CYSLTR1: variants seen among roughly 807,000 people sequenced by gnomAD.
CYSLTR1 encodes G-protein coupled receptor HG55.
In CYSLTR1, 1 loss-of-function variant was observed where a neutral mutation model predicts 2.1. That is an observed-to-expected ratio of 0.48 (90% CI 0.17 to 2.28). CYSLTR1 has a LOEUF of 2.28. Among genes scored for constraint, CYSLTR1 ranks in the 30% most tolerant of loss-of-function variants. The probability of loss-of-function intolerance (pLI) is 0.26; values close to 1 mark genes in which losing one functional copy is unlikely to be tolerated. For synonymous variants in CYSLTR1, 110 were observed against 89.6 expected, an observed-to-expected ratio of 1.23 and a Z score of -1.28; for missense variants, 299 against 250.1, an observed-to-expected ratio of 1.20 and a Z score of -1.32.
intron 1 of CYSLTR1, among the ~76,000 whole-genome samples, chrX:78,317,916 T>A (rs1328217479): frequency 9.0e-6 from 1 of 111,317 alleles, no homozygotes; most frequent in Non-Finnish European, 1.9e-5. Context: ...ATGTCAGAAA[T>A]CATCACCAAA....
chrX:78,307,652 A>G (rs998211563), intron 1 of CYSLTR1, among the ~76,000 whole-genome samples: 6 of 111,503 alleles, frequency 5.4e-5, no homozygotes, highest in Admixed American at 1.9e-4. Flanking sequence ...CTTGTACATC[A>G]GGGGACAAGA....
intron 1 of CYSLTR1, among the ~76,000 whole-genome samples, chrX:78,307,483 G>A (rs1305020805): frequency 1.8e-5 from 2 of 111,752 alleles, no homozygotes; most frequent in African/African-American, 6.5e-5. Flanking sequence ...TTTCTCTGAT[G>A]TCTAGACCTC....
At chrX:78,288,640 C>G (rs1412366901) in intron 1 of CYSLTR1, among the ~76,000 whole-genome samples, 2 of 111,704 alleles carry the variant, frequency 1.8e-5, no homozygotes, top group African/African-American at 6.5e-5. Flanking sequence ...TACAGGCATG[C>G]AATGCATAAT....
chrX:78,273,536 G>T lies in CYSLTR1; in HGVS notation c.211C>A (p.Leu71Ile). 1 of 1,211,639 alleles carries T rather than the reference G, an allele frequency of 8.3e-7. No individual in the cohort carries two copies. Among genetic ancestry groups the T allele is most frequent in the Non-Finnish European group, 1.1e-6 (1 of 895,447 alleles). ...CGGAGAGGCAGTGTGCACACACAAA[G>T]TAGATCTGCTACTGCTAAATTAATC... ...YMINLAVADLLCVCTLPLRVV... is the reference protein window; with the variant it reads ...YMINLAVADLICVCTLPLRVV... The change falls in exon 3 of 3, where the codon CTT becomes ATT. Residue 71 changes from leucine to isoleucine, a missense_variant. Transcript: ENST00000373304.
intron 1 of CYSLTR1, among the ~76,000 whole-genome samples, chrX:78,313,474 AC>A (rs1923290624): frequency 8.9e-6 from 1 of 111,973 alleles, no homozygotes; most frequent in African/African-American, 3.2e-5. Flanking sequence ...AAAAGTTGAA[AC>A]CAGAAAAAAT....
intron 1 of CYSLTR1, among the ~76,000 whole-genome samples, chrX:78,298,326 GAGGAAA>G (rs1922664513): frequency 9.0e-6 from 1 of 111,668 alleles, no homozygotes; most frequent in Non-Finnish European, 1.9e-5. Flanking sequence ...TCTAAGTACT[GAGGAAA>G]AGAATGTGTA....
intron 1 of CYSLTR1, among the ~76,000 whole-genome samples, chrX:78,315,807 G>T (rs753712335): frequency 1.8e-5 from 2 of 112,222 alleles, no homozygotes; most frequent in African/African-American, 6.5e-5. Context: ...CGGCACCACA[G>T]GACCCACCCA....
chrX:78,276,638 G>T (rs1569552152), intron 2 of CYSLTR1, among the ~76,000 whole-genome samples: 1 of 110,535 alleles, frequency 9.0e-6, no homozygotes, highest in African/African-American at 3.3e-5. Flanking sequence ...CATTAAAAAA[G>T]TCATTATTAT....
At chrX:78,281,563 A>G (rs1921845668) in intron 2 of CYSLTR1, among the ~76,000 whole-genome samples, 1 of 111,381 alleles carries the variant, frequency 9.0e-6, no homozygotes, top group Non-Finnish European at 1.9e-5. Context: ...GTGAGCCACC[A>G]TGCCTGGCCT....
chrX:78,314,347 G>A (rs1269353124), intron 1 of CYSLTR1, among the ~76,000 whole-genome samples: 4 of 111,447 alleles, frequency 3.6e-5, no homozygotes, highest in Non-Finnish European at 5.7e-5. Flanking sequence ...AATAGTAATT[G>A]TATCAGAGGA....
At chrX:78,326,308 T>C (rs1040493688) in intron 1 of CYSLTR1, among the ~76,000 whole-genome samples, 6 of 112,616 alleles carry the variant, frequency 5.3e-5, no homozygotes, top group Non-Finnish European at 9.4e-5. Flanking sequence ...GTATTTTAAA[T>C]GTAATACAGT....
At chrX:78,297,003 T>G (rs752395821) in intron 1 of CYSLTR1, among the ~76,000 whole-genome samples, 1 of 111,941 alleles carries the variant, frequency 8.9e-6, no homozygotes, top group East Asian at 2.8e-4. Context: ...TTTTTCCTCA[T>G]TCAGTAAAAT....
At chrX:78,297,056 G>T (rs762573717) in intron 1 of CYSLTR1, among the ~76,000 whole-genome samples, 4 of 111,398 alleles carry the variant, frequency 3.6e-5, no homozygotes, top group South Asian at 7.4e-4. Context: ...ATTACTTGAG[G>T]CATGTTTCTT....
intron 1 of CYSLTR1, among the ~76,000 whole-genome samples, chrX:78,318,696 A>G (rs1423899382): frequency 4.5e-5 from 5 of 111,817 alleles, no homozygotes; most frequent in Non-Finnish European, 9.4e-5. Context: ...ACATATTTTC[A>G]GATAAAACAA....
chrX:78,274,593 G>T (rs1396062647), intron 2 of CYSLTR1, among the ~76,000 whole-genome samples: 2 of 111,418 alleles, frequency 1.8e-5, no homozygotes, highest in Non-Finnish European at 3.8e-5. Context: ...ATGGATTAAA[G>T]ACTTAAATAT....
At chrX:78,309,271 T>A in intron 1 of CYSLTR1, among the ~76,000 whole-genome samples, 1 of 111,640 alleles carries the variant, frequency 9.0e-6, no homozygotes, top group Non-Finnish European at 1.9e-5. Flanking sequence ...ACCTTCTCCC[T>A]TTTTAGAAGC....
At chrX:78,320,846 C>T (rs1165220637) in intron 1 of CYSLTR1, 1 of 111,148 alleles carries the variant, frequency 9.0e-6, no homozygotes, top group African/African-American at 3.3e-5. Flanking sequence ...AAGTTGGATT[C>T]CTAGGTATTT....
chrX:78,315,570 G>A (rs761880604), intron 1 of CYSLTR1, among the ~76,000 whole-genome samples: 1 of 111,423 alleles, frequency 9.0e-6, no homozygotes, highest in South Asian at 3.8e-4. Context: ...TTGACTACAA[G>A]CTGACTGAAG....
intron 1 of CYSLTR1, among the ~76,000 whole-genome samples, chrX:78,312,766 A>G (rs1380943193): frequency 8.9e-6 from 1 of 112,341 alleles, no homozygotes; most frequent in Non-Finnish European, 1.9e-5. Context: ...ACAGTAAAAT[A>G]CCATCTCATA....
Sources: allele counts gnomAD v4.1 joint callset (sites outside exome capture counted in the v4.1 genomes callset), GRCh38; gene constraint gnomAD v4.1.1; transcripts MANE v1.5; gene names NCBI Gene and HGNC (gene_info 2026-07-23, HGNC 2026-07-21).